The following KCNK2 variants were observed in gnomAD, a reference collection of about 807,000 sequenced individuals.
KCNK2 encodes the protein potassium channel subfamily K member 2.
A neutral mutation model predicts 40.5 loss-of-function variants in KCNK2; 21 were observed. The ratio of observed to expected loss-of-function variants is 0.52; its 90% CI spans 0.37 to 0.75. The LOEUF is 0.75. Among genes scored for constraint, KCNK2 ranks in the 30% least tolerant of loss-of-function variants. The pLI, the probability that KCNK2 is intolerant of heterozygous loss-of-function variation, is 0.00. For missense variants in KCNK2, 399 were observed against 531.6 expected, an observed-to-expected ratio of 0.75 and a Z score of 2.45; for synonymous variants, 191 against 202.2, an observed-to-expected ratio of 0.94 and a Z score of 0.47.
intron 3 of KCNK2, among the ~76,000 whole-genome samples, chr1:215,167,633 T>G (rs1360223536): frequency 6.6e-6 from 1 of 152,152 alleles, no homozygotes; most frequent in Non-Finnish European, 1.5e-5. Context: ...AATTTTAAGT[T>G]TTTAGATATT....
At chr1:215,044,031 G>A (rs1157529392) in intron 1 of KCNK2, among the ~76,000 whole-genome samples, 1 of 151,972 alleles carries the variant, frequency 6.6e-6, no homozygotes, top group African/African-American at 2.4e-5. Flanking sequence ...TAACAAATAA[G>A]AATAATGGAA....
intron 1 of KCNK2, among the ~76,000 whole-genome samples, chr1:215,007,746 G>A (rs1250601345): frequency 6.6e-6 from 1 of 152,030 alleles, no homozygotes; most frequent in African/African-American, 2.4e-5. Context: ...CTAAGCAACG[G>A]TTATCATTAA....
At chr1:215,179,890 G>A (rs935013659) in intron 5 of KCNK2, among the ~76,000 whole-genome samples, 3 of 152,078 alleles carry the variant, frequency 2.0e-5, no homozygotes, top group African/African-American at 7.2e-5. Context: ...TTGGTCAAGT[G>A]TTGAATTTAA....
chr1:215,025,112 C>T (rs1656957644), intron 1 of KCNK2, among the ~76,000 whole-genome samples: 1 of 152,032 alleles, frequency 6.6e-6, no homozygotes, highest in Non-Finnish European at 1.5e-5. Context: ...GGTTCAAATC[C>T]AAACCCTGGA....
Position 215,172,050 on chromosome 1 carries a change from A to G in KCNK2, c.690A>G (p.Ile230Met). 1.2e-6 allele frequency: 2 copies of G among 1,613,362 alleles called. No homozygotes were observed. Among genetic ancestry groups the G allele is most frequent in the Non-Finnish European group, 8.5e-7 (1 of 1,179,670 alleles). Residue 230 changes from isoleucine (I) to methionine (M), a missense_variant, in exon 5 of 7, where the codon ATA becomes ATG. Physicochemically the swap from Ile to Met is conservative, Grantham distance 10. Transcript: ENST00000444842. ...KIRIISTIIF[I>M]LFGCVLFVAL... Reference sequence around the variant, plus strand: ...GCATCATCTCAACAATCATATTTATACTATTTGGCTGTGTACTCTTTGTGG... The same window carrying G: ...GCATCATCTCAACAATCATATTTATGCTATTTGGCTGTGTACTCTTTGTGG...
chr1:215,215,359 A>G (rs1374122879), intron 6 of KCNK2, among the ~76,000 whole-genome samples: 1 of 152,118 alleles, frequency 6.6e-6, no homozygotes, highest in African/African-American at 2.4e-5. Context: ...GGCTTCATAA[A>G]ATAACTAGAC....
intron 5 of KCNK2, among the ~76,000 whole-genome samples, chr1:215,182,966 C>G (rs776040732): frequency 5.9e-5 from 9 of 152,110 alleles, no homozygotes; most frequent in Non-Finnish European, 1.3e-4. Context: ...AGGCTATCTG[C>G]CTCTCTCATA....
At chr1:215,037,002 C>CT (rs3033912) in intron 1 of KCNK2, among the ~76,000 whole-genome samples, 34,391 of 125,738 alleles carry the variant, frequency 0.27, 5,514 homozygotes, top group South Asian at 0.6. Flanking sequence ...CCTTTTATTC[C>CT]TTTTTTTTTT....
intron 3 of KCNK2, among the ~76,000 whole-genome samples, chr1:215,144,628 C>T (rs1662333082): frequency 6.6e-6 from 1 of 151,700 alleles, no homozygotes. Context: ...TTTTTTTTGG[C>T]CTCAGTTTTC....
intron 1 of KCNK2, among the ~76,000 whole-genome samples, chr1:215,038,190 T>G (rs1338889464): frequency 1.3e-5 from 2 of 152,062 alleles, no homozygotes; most frequent in Non-Finnish European, 2.9e-5. Context: ...CATTGTAGAC[T>G]CACCAGTCCC....
intron 5 of KCNK2, among the ~76,000 whole-genome samples, chr1:215,186,182 G>T (rs554638561): frequency 1.1e-3 from 165 of 152,270 alleles, no homozygotes; most frequent in Non-Finnish European, 6.6e-4. Flanking sequence ...GCCAAGGCAG[G>T]AAGATCACTT....
intron 6 of KCNK2, among the ~76,000 whole-genome samples, chr1:215,209,578 T>A (rs376059512): frequency 4.1e-5 from 2 of 49,188 alleles, no homozygotes; most frequent in African/African-American, 1.7e-4. Context: ...AATATATATA[T>A]TATATATAAA....
At chr1:215,071,127 C>T (rs1002921549) in intron 1 of KCNK2, among the ~76,000 whole-genome samples, 2 of 152,014 alleles carry the variant, frequency 1.3e-5, no homozygotes, top group Admixed American at 6.6e-5. Flanking sequence ...GTGGAGTTTC[C>T]ATGCTGGTTC....
intron 1 of KCNK2, among the ~76,000 whole-genome samples, chr1:215,037,040 C>T (rs1339596800): frequency 2.5e-5 from 3 of 120,334 alleles, no homozygotes; most frequent in African/African-American, 9.4e-5. Context: ...TTGCTAAAAT[C>T]CCAGTCCAAT....
chr1:215,121,363 C>T (rs1293146574), intron 2 of KCNK2, among the ~76,000 whole-genome samples: 1 of 152,124 alleles, frequency 6.6e-6, no homozygotes, highest in African/African-American at 2.4e-5. Context: ...CTCAGTGTCC[C>T]CTTGACCTCC....
chr1:215,150,676 T>C (rs1198114064), intron 3 of KCNK2, among the ~76,000 whole-genome samples: 1 of 152,088 alleles, frequency 6.6e-6, no homozygotes, highest in Non-Finnish European at 1.5e-5. Flanking sequence ...GCTAAAATAT[T>C]ATAATGATGT....
intron 1 of KCNK2, among the ~76,000 whole-genome samples, chr1:215,084,176 G>A (rs1403150383): frequency 7.4e-6 from 1 of 134,274 alleles, no homozygotes; most frequent in African/African-American, 2.9e-5. Context: ...AATGTATTAG[G>A]TTAATGCACA....
intron 4 of KCNK2, among the ~76,000 whole-genome samples, chr1:215,169,893 A>G (rs1663623301): frequency 6.6e-6 from 1 of 152,086 alleles, no homozygotes; most frequent in Non-Finnish European, 1.5e-5. Context: ...TGATCTGCCC[A>G]TCTTGGGCTC....
chr1:215,230,092 TACACACAC>T (rs59050433), intron 6 of KCNK2, among the ~76,000 whole-genome samples: 3,837 of 141,184 alleles, frequency 0.027, 176 homozygotes, highest in African/African-American at 0.087. Flanking sequence ...TGTGTGTGTA[TACACACAC>T]ACACACACAC....
Sources: gnomAD v4.1 joint callset for allele counts (sites outside exome capture counted in the v4.1 genomes callset) on GRCh38, gnomAD v4.1.1 for gene constraint, MANE v1.5 for transcripts, NCBI Gene and HGNC (gene_info 2026-07-23, HGNC 2026-07-21) for gene names.